The following AHI1 variants were observed in gnomAD, a reference collection of about 807,000 sequenced individuals.
AHI1 encodes the protein Abelson helper integration site 1, also known as jouberin.
Under a neutral mutation model 149.3 loss-of-function variants are expected in AHI1, and 123 were observed. The ratio of observed to expected loss-of-function variants is 0.82; its 90% CI spans 0.71 to 0.96. The LOEUF (loss-of-function observed/expected upper bound fraction) is 0.96. AHI1 is among the 40% of genes least tolerant of loss of function. The pLI, the probability that AHI1 is intolerant of heterozygous loss-of-function variation, is 0.00. For synonymous variants in AHI1, 475 were observed against 459.8 expected (o/e 1.03, Z -0.42); for missense variants, 1,439 against 1,422.7 (o/e 1.01, Z -0.18).
At chr6:135,459,566 G>T (rs1374178669) in intron 8 of AHI1, among the ~76,000 whole-genome samples, 1 of 151,900 alleles carries the variant, frequency 6.6e-6, no homozygotes, top group Non-Finnish European at 1.5e-5. Context: ...GTTGGTTTTT[G>T]AAAAGACTCA....
intron 26 of AHI1, 121 bp downstream of exon 26, chr6:135,318,398 C>T: frequency 1.4e-6 from 1 of 718,382 alleles, no homozygotes; most frequent in Non-Finnish European, 2.3e-6. Context: ...ATGTTTGTAC[C>T]AAGACATAAA....
chr6:135,335,174 A>G (rs1191343265), intron 24 of AHI1, among the ~76,000 whole-genome samples: 3 of 152,164 alleles, frequency 2.0e-5, no homozygotes, highest in Non-Finnish European at 4.4e-5. Flanking sequence ...TTAGTTTCCC[A>G]CATGTCACAC....
At chr6:135,304,572 C>T (rs1447135421) in intron 26 of AHI1, among the ~76,000 whole-genome samples, 2 of 151,844 alleles carry the variant, frequency 1.3e-5, no homozygotes, top group South Asian at 2.1e-4. Context: ...GAGTCCAAGA[C>T]CAGCCTGGCC....
At chr6:135,313,881 G>A (rs1451234757) in intron 26 of AHI1, among the ~76,000 whole-genome samples, 1 of 152,184 alleles carries the variant, frequency 6.6e-6, no homozygotes, top group Non-Finnish European at 1.5e-5. Flanking sequence ...AGGGAGGGGG[G>A]GTCAGGTCAC....
At chr6:135,493,675 T>A (rs1418405802) in intron 3 of AHI1, among the ~76,000 whole-genome samples, 1 of 152,114 alleles carries the variant, frequency 6.6e-6, no homozygotes, top group African/African-American at 2.4e-5. Context: ...CAAATAAAAA[T>A]TTAATATTTA....
At chr6:135,366,023 C>T (rs547962508) in intron 23 of AHI1, among the ~76,000 whole-genome samples, 16 of 152,202 alleles carry the variant, frequency 1.1e-4, no homozygotes, top group East Asian at 7.7e-4. Flanking sequence ...TCATAAAGGA[C>T]GCTGGATTTT....
intron 24 of AHI1, among the ~76,000 whole-genome samples, chr6:135,350,612 G>A (rs1442408826): frequency 6.6e-6 from 1 of 151,658 alleles, no homozygotes; most frequent in Non-Finnish European, 1.5e-5. Flanking sequence ...AACTGCTAAG[G>A]AAAAAAAAGA....
chr6:135,302,914 C>T (rs867911302), intron 26 of AHI1: 2 of 781,748 alleles, frequency 2.6e-6, no homozygotes, highest in African/African-American at 1.9e-5. Context: ...CTTCTTTCCA[C>T]ACACACTTGT....
intron 24 of AHI1, among the ~76,000 whole-genome samples, chr6:135,332,760 C>G (rs2128400114): frequency 6.6e-6 from 1 of 152,330 alleles, no homozygotes; most frequent in South Asian, 2.1e-4. Context: ...TTCTGTTATT[C>G]TGTTTTCCTT....
At chr6:135,393,533 T>A (rs1238595146) in intron 23 of AHI1, among the ~76,000 whole-genome samples, 1 of 152,042 alleles carries the variant, frequency 6.6e-6, no homozygotes, top group African/African-American at 2.4e-5. Context: ...AAAAGAATAA[T>A]CTAAAGAAGT....
At chr6:135,465,367 T>G (rs917194840) in intron 7 of AHI1, among the ~76,000 whole-genome samples, 1 of 152,194 alleles carries the variant, frequency 6.6e-6, no homozygotes, top group Non-Finnish European at 1.5e-5. Flanking sequence ...TGATTATCTT[T>G]GAATAGTTTT....
In AHI1 at chr6:135,428,653, C is replaced by CTA; in HGVS notation, c.2597_2598dup (p.Val867Ter). 6.2e-7 allele frequency: 1 copy of CTA among 1,608,240 alleles called. No individual in the cohort carries two copies. Among genetic ancestry groups the CTA allele is most frequent in the Non-Finnish European group, 8.5e-7 (1 of 1,176,604 alleles). ...CCTGTTTCTGGGTTCCAAACATACA[C>CTA]TATACCATCCTCACTTCCAGCAAAC... On this transcript the variant is annotated frameshift_variant, in exon 19 of 29. Transcript: ENST00000265602. LOFTEE classifies it high-confidence loss of function.
intron 24 of AHI1, among the ~76,000 whole-genome samples, chr6:135,343,344 T>C (rs1790665391): frequency 1.3e-5 from 2 of 152,072 alleles, no homozygotes; most frequent in South Asian, 4.1e-4. Flanking sequence ...ATTTAATCTA[T>C]GAATTCAATG....
At chr6:135,413,250 C>G (rs1272029187) in intron 20 of AHI1, among the ~76,000 whole-genome samples, 1 of 152,046 alleles carries the variant, frequency 6.6e-6, no homozygotes, top group Non-Finnish European at 1.5e-5. Context: ...GGGAGGATTG[C>G]TTGAGACTGG....
At chr6:135,487,871 A>G (rs1330094389) in intron 5 of AHI1, among the ~76,000 whole-genome samples, 1 of 152,126 alleles carries the variant, frequency 6.6e-6, no homozygotes, top group Admixed American at 6.5e-5. Flanking sequence ...TCATATCTAG[A>G]AATGGTACTA....
intron 23 of AHI1, among the ~76,000 whole-genome samples, chr6:135,365,111 T>C (rs1310056929): frequency 6.6e-6 from 1 of 152,238 alleles, no homozygotes; most frequent in Non-Finnish European, 1.5e-5. Context: ...GTTTGCTTTG[T>C]CGAAGATCAG....
rs1791604507 is a variant in AHI1 at position 135,471,035 on chromosome 6, ATT to A, written c.136-3403_136-3402del. ...TTATGTTAAAATGGGGCATATGCAA[ATT>A]TTTGTTTCTACTTTTTCAGTGAGTA... On this transcript the variant is annotated intron_variant, in intron 5 of 28. Coordinates refer to ENST00000265602, the MANE Select transcript of AHI1 (RefSeq NM_001134831.2). Among the ~76,000 whole-genome samples the A allele has an allele frequency of 3.3e-5, 5 of 152,170 alleles. 1 individual carries two copies. In the South Asian group the frequency reaches 1.0e-3, roughly 32 times the overall value.
intron 21 of AHI1, among the ~76,000 whole-genome samples, chr6:135,406,856 C>T (rs1780866811): frequency 6.6e-6 from 1 of 152,058 alleles, no homozygotes; most frequent in African/African-American, 2.4e-5. Flanking sequence ...TGTTAATCAA[C>T]TTTTTGTAGG....
In AHI1 at chr6:135,394,846, C is replaced by G. The variant is rs142381345; in HGVS notation, c.3039G>C (p.Gln1013His). The G allele has an allele frequency of 5.0e-6, 8 of 1,606,292 alleles. No individual in the cohort carries two copies. The highest frequency in any genetic ancestry group is 1.7e-5 in the Admixed American group (1 of 58,932). Residue 1013 changes from glutamine to histidine, a missense_variant, in exon 23 of 29, where the codon CAG becomes CAC. Gln to His is a conservative substitution (Grantham distance 24, BLOSUM62 0). Transcript: ENST00000265602. ...GCATGTTTGACTGCTTTAACTTAGACTGTTGTGAGGAAACTGCTGGTGGTG... is the reference window on the plus strand; with the variant it reads ...GCATGTTTGACTGCTTTAACTTAGAGTGTTGTGAGGAAACTGCTGGTGGTG... The part of the protein sequence containing the change: ...FTSPPAVSSQ[Q>H]SKLKQSNMLT...
Sources: gnomAD v4.1 joint callset for allele counts (sites outside exome capture counted in the v4.1 genomes callset) on GRCh38, gnomAD v4.1.1 for gene constraint, MANE v1.5 for transcripts, NCBI Gene and HGNC (gene_info 2026-07-23, HGNC 2026-07-21) for gene names.